Variants in ESR1 observed in about 807,000 individuals in gnomAD.
The protein encoded by ESR1 is estrogen receptor.
In ESR1, 12 loss-of-function variants were observed where a neutral mutation model predicts 52.7. The ratio of observed to expected loss-of-function variants is 0.23; its 90% CI spans 0.15 to 0.37. ESR1 has a LOEUF of 0.37. Among genes scored for constraint, ESR1 ranks in the 10% least tolerant of loss-of-function variants. The probability of loss-of-function intolerance (pLI) is 1.00; values close to 1 mark genes in which losing one functional copy is unlikely to be tolerated. For synonymous variants in ESR1, 305 were observed against 316.8 expected (o/e 0.96, Z 0.39); for missense variants, 584 against 779.7 (o/e 0.75, Z 2.99).
intron 2 of ESR1, among the ~76,000 whole-genome samples, chr6:151,705,118 G>C (rs527360721): frequency 6.6e-6 from 1 of 152,136 alleles, no homozygotes; most frequent in East Asian, 1.9e-4. Flanking sequence ...ATCATCATAA[G>C]AGCACATTTT....
intron 3 of ESR1, among the ~76,000 whole-genome samples, chr6:151,895,504 T>C (rs971553311): frequency 2.0e-5 from 3 of 152,214 alleles, no homozygotes; most frequent in Admixed American, 6.5e-5. Flanking sequence ...CCCCATTCAG[T>C]ATTATGTTGG....
intron 5 of ESR1, among the ~76,000 whole-genome samples, chr6:152,046,570 T>C (rs1584988086): frequency 1.3e-5 from 2 of 152,270 alleles, no homozygotes; most frequent in Admixed American, 6.5e-5. Context: ...AGTTACAAAG[T>C]AGAAACTATA....
chr6:151,728,845 T>C (rs935972219), intron 2 of ESR1, among the ~76,000 whole-genome samples: 12 of 152,344 alleles, frequency 7.9e-5, no homozygotes, highest in African/African-American at 2.4e-4. Flanking sequence ...TTGATTTTAA[T>C]GGACATAGAT....
At chr6:151,809,014 C>G (rs1252116573) in intron 1 of ESR1, 1 of 257,904 alleles carries the variant, frequency 3.9e-6, no homozygotes, top group Middle Eastern at 8.0e-4. Flanking sequence ...TGGCTGAGTC[C>G]GCGCTGGAGC....
chr6:151,899,360 C>CA (rs1487744582), intron 3 of ESR1, among the ~76,000 whole-genome samples: 2 of 117,832 alleles, frequency 1.7e-5, no homozygotes, highest in African/African-American at 7.7e-5. Context: ...CTGACCCCCC[C>CA]ACCTCCTTCC....
chr6:151,808,967 C>T, intron 1 of ESR1: 1 of 232,698 alleles, frequency 4.3e-6, no homozygotes. Flanking sequence ...CTTTAGAGAG[C>T]GATTGGGAGT....
At chr6:151,761,129 C>T (rs1257890868) in intron 2 of ESR1, among the ~76,000 whole-genome samples, 1 of 151,406 alleles carries the variant, frequency 6.6e-6, no homozygotes, top group Non-Finnish European at 1.5e-5. Context: ...TACCATTTTC[C>T]CACTACTAAT....
rs532316548 is a variant in ESR1 at position 151,740,924 on chromosome 6, C to T, written c.-71+38919C>T. ...AAGACCACTAGTGTTTAAGCAGCAG[C>T]AGCTTTTCTATATTCTGCTTGCTGT... On this transcript the variant is annotated intron_variant, in intron 2 of 2. Coordinates refer to the ESR1 transcript ENST00000404742. Among the ~76,000 whole-genome samples, 18 of 152,274 alleles carry T rather than the reference C, an allele frequency of 1.2e-4. No homozygotes were observed. In the South Asian group the frequency reaches 3.7e-3, roughly 32 times the overall value.
At chr6:152,021,644 G>C (rs9340995) in intron 5 of ESR1, among the ~76,000 whole-genome samples, 21,249 of 152,072 alleles carry the variant, frequency 0.14, 1,747 homozygotes, top group East Asian at 0.37. Flanking sequence ...AACATGATGA[G>C]ATGTTACGGG....
intron 2 of ESR1, among the ~76,000 whole-genome samples, chr6:151,738,618 A>G (rs1248857396): frequency 6.6e-6 from 1 of 152,170 alleles, no homozygotes; most frequent in Non-Finnish European, 1.5e-5. Context: ...AGGGTTTTTA[A>G]AAAGTTTCCA....
intron 2 of ESR1, among the ~76,000 whole-genome samples, 186 bp from the exon 3 acceptor site, chr6:151,880,469 C>T (rs1792698734): frequency 6.6e-6 from 1 of 152,080 alleles, no homozygotes; most frequent in African/African-American, 2.4e-5. Flanking sequence ...GCATGAGCCA[C>T]CGTGCCCGGC....
chr6:152,023,864 G>A (rs1418474159), intron 5 of ESR1, among the ~76,000 whole-genome samples: 1 of 152,078 alleles, frequency 6.6e-6, no homozygotes, highest in East Asian at 1.9e-4. Context: ...GCAGGGGTTG[G>A]CATACTTTAG....
intron 1 of ESR1, among the ~76,000 whole-genome samples, chr6:151,693,125 T>C (rs113470730): frequency 0.023 from 3,567 of 152,300 alleles, 61 homozygotes; most frequent in African/African-American, 0.039. Context: ...ATATATTATA[T>C]GGAATAAATG....
At chr6:151,974,026 T>A (rs2039184807) in intron 4 of ESR1, among the ~76,000 whole-genome samples, 1 of 152,176 alleles carries the variant, frequency 6.6e-6, no homozygotes. Flanking sequence ...ATAGATGATA[T>A]GTAAATGAAT....
At chr6:151,774,941 A>G (rs139649668) in intron 2 of ESR1, among the ~76,000 whole-genome samples, 41 of 152,346 alleles carry the variant, frequency 2.7e-4, no homozygotes, top group African/African-American at 8.9e-4. Context: ...CACTTTTAAT[A>G]TAATTTTAGT....
intron 1 of ESR1, among the ~76,000 whole-genome samples, chr6:151,816,751 A>G (rs562588716): frequency 6.6e-6 from 1 of 152,154 alleles, no homozygotes; most frequent in African/African-American, 2.4e-5. Flanking sequence ...TGTAAAAAAA[A>G]CTTCAAATTT....
chr6:152,028,406 G>A (rs1584892973), intron 5 of ESR1, among the ~76,000 whole-genome samples: 1 of 152,186 alleles, frequency 6.6e-6, no homozygotes, highest in East Asian at 1.9e-4. Context: ...CAAGGAAAGG[G>A]GTGACAGACG....
intron 2 of ESR1, among the ~76,000 whole-genome samples, chr6:151,854,201 C>G (rs1455475270): frequency 6.6e-6 from 1 of 152,144 alleles, no homozygotes; most frequent in Non-Finnish European, 1.5e-5. Flanking sequence ...ATCTTGTAAC[C>G]TGCTTGCCTG....
At chr6:152,081,343 G>A (rs775250738) in intron 6 of ESR1, among the ~76,000 whole-genome samples, 7 of 152,066 alleles carry the variant, frequency 4.6e-5, no homozygotes, top group Non-Finnish European at 8.8e-5. Flanking sequence ...ACACAGCTAC[G>A]TGGAAACTGA....
Sources: gnomAD v4.1 joint callset for allele counts (sites outside exome capture counted in the v4.1 genomes callset) on GRCh38, gnomAD v4.1.1 for gene constraint, MANE v1.5 for transcripts, NCBI Gene and HGNC (gene_info 2026-07-23, HGNC 2026-07-21) for gene names.